TENM4: variants seen among roughly 807,000 people sequenced by gnomAD.
TENM4 encodes the protein teneurin transmembrane protein 4.
TENM4 carries 82 observed loss-of-function variants against 243.3 expected under a neutral mutation model. That is an observed-to-expected ratio of 0.34 (90% CI 0.28 to 0.40). TENM4 has a LOEUF of 0.40. Ranked by LOEUF, TENM4 falls within the 10% of genes least tolerant of loss-of-function variation. TENM4 has a pLI of 1.00. For missense variants in TENM4, 3,138 were observed against 3,673.3 expected (o/e 0.85, Z 3.77); for synonymous variants, 1,412 against 1,456.3 (o/e 0.97, Z 0.69).
chr11:79,098,632 A>G, intron 4 of TENM4, among the ~76,000 whole-genome samples: 1 of 152,220 alleles, frequency 6.6e-6, no homozygotes, highest in East Asian at 1.9e-4. Flanking sequence ...CAGACAGAGG[A>G]CAAGGCTTGC....
chr11:79,177,624 G>GCCCATACCAT (rs1863190991), intron 3 of TENM4, among the ~76,000 whole-genome samples: 1 of 152,178 alleles, frequency 6.6e-6, no homozygotes, highest in Non-Finnish European at 1.5e-5. Flanking sequence ...GGATAAGGAG[G>GCCCATACCAT]AAGGAGGGTA....
intron 4 of TENM4, among the ~76,000 whole-genome samples, chr11:79,132,339 CCA>C (rs1862022468): frequency 8.3e-5 from 1 of 12,028 alleles, no homozygotes; most frequent in Non-Finnish European, 4.1e-4. Flanking sequence ...GAGCAAGACT[CCA>C]ACTCAAAAAA....
At chr11:79,306,340 C>A (rs1856625505) in intron 1 of TENM4, among the ~76,000 whole-genome samples, 1 of 152,136 alleles carries the variant, frequency 6.6e-6, no homozygotes, top group South Asian at 2.1e-4. Flanking sequence ...TCCTCCTTGG[C>A]AGCATCAGAA....
intron 18 of TENM4, among the ~76,000 whole-genome samples, chr11:78,767,218 G>A (rs1398979855): frequency 1.3e-5 from 2 of 152,110 alleles, no homozygotes; most frequent in African/African-American, 4.8e-5. Flanking sequence ...TTCTGCGACC[G>A]GCCAGCTGTG....
intron 1 of TENM4, among the ~76,000 whole-genome samples, chr11:79,391,643 A>C (rs1361892560): frequency 6.6e-6 from 1 of 152,204 alleles, no homozygotes; most frequent in Non-Finnish European, 1.5e-5. Context: ...AAGTAATGTG[A>C]AGCTATTTAC....
intron 1 of TENM4, among the ~76,000 whole-genome samples, chr11:79,360,016 A>G (rs12099031): frequency 0.011 from 1,719 of 152,288 alleles, 35 homozygotes; most frequent in African/African-American, 0.04. Context: ...CTTAGATAAA[A>G]GTTGTCATCA....
At chr11:78,822,345 A>G (rs1857751639) in intron 12 of TENM4, among the ~76,000 whole-genome samples, 1 of 152,226 alleles carries the variant, frequency 6.6e-6, no homozygotes. Context: ...TATAAAATTT[A>G]TTCAGTAAAT....
intron 6 of TENM4, among the ~76,000 whole-genome samples, chr11:79,029,264 C>T (rs879586133): frequency 9.2e-5 from 14 of 152,110 alleles, no homozygotes; most frequent in African/African-American, 1.9e-4. Context: ...CAAAGTCTAG[C>T]GGAGAGCTAA....
At chr11:78,785,358 A>C (rs929615358) in intron 16 of TENM4, among the ~76,000 whole-genome samples, 1 of 152,132 alleles carries the variant, frequency 6.6e-6, no homozygotes, top group Non-Finnish European at 1.5e-5. Context: ...GGCTGGGCAG[A>C]TTAGGTGAGG....
At position 78,669,975 on chromosome 11, in the gene TENM4, C is replaced by A; in HGVS notation, c.6370G>T (p.Gly2124Cys). Residue 2124 changes from glycine (G) to cysteine (C), a missense_variant, in exon 32 of 34, where the codon GGT becomes TGT. By Grantham distance (159) the Gly-to-Cys change is radical. Transcript: ENST00000278550. This position sits in a 1 kb window ranked among gnomAD's most constrained non-coding sequence, Gnocchi z 6.4. ...SGKTEQFGKF[G>C]VIYYDINQII... Reference sequence around the variant, plus strand: ...TGGTTAATGTCATAGTAAATGACACCAAACTTCCCAAACTGCTCTGTCTTG... The same window carrying A: ...TGGTTAATGTCATAGTAAATGACACAAAACTTCCCAAACTGCTCTGTCTTG... The A allele has an allele frequency of 2.5e-6, 4 of 1,613,808 alleles. No individual in the cohort carries two copies. Among genetic ancestry groups the A allele is most frequent in the Non-Finnish European group, 3.4e-6 (4 of 1,179,850 alleles).
intron 6 of TENM4, among the ~76,000 whole-genome samples, chr11:78,965,580 C>T (rs778133862): frequency 9.9e-5 from 15 of 152,162 alleles, no homozygotes; most frequent in Admixed American, 2.0e-4. Flanking sequence ...TCAAGCTTTA[C>T]GAAATAAATA....
At chr11:78,762,818 G>C (rs1479520946) in intron 18 of TENM4, among the ~76,000 whole-genome samples, 1 of 152,104 alleles carries the variant, frequency 6.6e-6, no homozygotes, top group East Asian at 1.9e-4. Flanking sequence ...TACAGTGAGG[G>C]GGAATGGCTC....
At chr11:78,805,666 C>T (rs1857374496) in intron 14 of TENM4, among the ~76,000 whole-genome samples, 174 bp from the exon 15 acceptor site, 1 of 152,128 alleles carries the variant, frequency 6.6e-6, no homozygotes, top group African/African-American at 2.4e-5. Flanking sequence ...ACCTGGCTTC[C>T]CAACTCCACC....
chr11:79,370,123 G>A (rs1054177245), intron 1 of TENM4, among the ~76,000 whole-genome samples: 1 of 152,222 alleles, frequency 6.6e-6, no homozygotes, highest in African/African-American at 2.4e-5. Flanking sequence ...ATGTGTTCAA[G>A]GGATGGCCCC....
intron 6 of TENM4, among the ~76,000 whole-genome samples, chr11:79,057,061 C>T (rs1859962921): frequency 6.6e-6 from 1 of 152,190 alleles, no homozygotes. Context: ...TGAACTACAA[C>T]CCTTGCCCAT....
chr11:79,041,429 G>A (rs919297923), intron 6 of TENM4, among the ~76,000 whole-genome samples: 1 of 149,644 alleles, frequency 6.7e-6, no homozygotes, highest in African/African-American at 2.5e-5. Context: ...CTACCTCACA[G>A]GACCATTGAG....
chr11:78,978,078 G>A (rs186656429), intron 6 of TENM4, among the ~76,000 whole-genome samples: 137 of 152,102 alleles, frequency 9.0e-4, no homozygotes, highest in African/African-American at 3.0e-3. Context: ...GCTGGAAATC[G>A]TCTTTCTCAG....
chr11:78,929,002 G>A (rs1157183817), intron 6 of TENM4, among the ~76,000 whole-genome samples: 1 of 152,196 alleles, frequency 6.6e-6, no homozygotes, highest in East Asian at 1.9e-4. Context: ...TGAACCTCAT[G>A]GCTGGGCCCG....
At chr11:78,677,208 A>C (rs1037327376) in intron 29 of TENM4, among the ~76,000 whole-genome samples, 13 of 152,040 alleles carry the variant, frequency 8.6e-5, no homozygotes, top group African/African-American at 2.9e-4. Context: ...TCAAATCAAA[A>C]TAGATTCCTA....
Sources: gnomAD v4.1 joint callset for allele counts (sites outside exome capture counted in the v4.1 genomes callset) on GRCh38, gnomAD v4.1.1 for gene constraint, Gnocchi (gnomAD v3.1) non-coding constraint, MANE v1.5 for transcripts, NCBI Gene and HGNC (gene_info 2026-07-23, HGNC 2026-07-21) for gene names.